The following NR2F1-AS1 variants were observed in gnomAD, a reference collection of about 807,000 sequenced individuals.
The protein encoded by NR2F1-AS1 is NR2F1 regulatory antisense RNA 1.
At chr5:93,581,743 C>G (rs797001583), upstream of NR2F1-AS1, among the ~76,000 whole-genome samples, 8 of 32,888 alleles carry the variant, frequency 2.4e-4, no homozygotes, top group Non-Finnish European at 4.6e-4. Context: ...TCCCCCTCTC[C>G]CTCTCCCTCT....
intron 4 of NR2F1-AS1, among the ~76,000 whole-genome samples, chr5:93,413,685 C>G (rs996760142): frequency 2.6e-5 from 4 of 151,966 alleles, no homozygotes; most frequent in African/African-American, 9.7e-5. Context: ...ACAAGAAACA[C>G]GTGGGCAAGG....
intron 2 of NR2F1-AS1, among the ~76,000 whole-genome samples, chr5:93,562,906 G>T (rs1383273090): frequency 6.6e-6 from 1 of 152,076 alleles, no homozygotes; most frequent in African/African-American, 2.4e-5. Context: ...ATCAAATACA[G>T]AAAAATCTTA....
At chr5:93,575,016 TG>T (rs963559492) in intron 1 of NR2F1-AS1, among the ~76,000 whole-genome samples, 8 of 152,212 alleles carry the variant, frequency 5.3e-5, no homozygotes, top group Non-Finnish European at 8.8e-5. Context: ...GCCTGCAGCC[TG>T]GGGGGGTGTC....
intron 2 of NR2F1-AS1, among the ~76,000 whole-genome samples, chr5:93,559,858 T>C (rs543227237): frequency 3.6e-4 from 55 of 152,310 alleles, no homozygotes; most frequent in Admixed American, 1.4e-3. Context: ...CCCTAACAGA[T>C]ACTGTAGTAA....
intron 4 of NR2F1-AS1, among the ~76,000 whole-genome samples, chr5:93,509,485 A>G (rs1459986572): frequency 1.3e-5 from 2 of 152,110 alleles, no homozygotes; most frequent in African/African-American, 4.8e-5. Flanking sequence ...AGGTATATAA[A>G]TTTATGAATA....
At chr5:93,557,210 A>G (rs1217112017) in intron 2 of NR2F1-AS1, among the ~76,000 whole-genome samples, 1 of 152,252 alleles carries the variant, frequency 6.6e-6, no homozygotes, top group Non-Finnish European at 1.5e-5. Context: ...TAATGCGTAG[A>G]GCTGCTTCGT....
At chr5:93,582,140 CGTTT>C (rs947034253), upstream of NR2F1-AS1, among the ~76,000 whole-genome samples, 4 of 134,322 alleles carry the variant, frequency 3.0e-5, no homozygotes, top group African/African-American at 1.2e-4. Context: ...TCCATCTTCT[CGTTT>C]GTTTGCTCTT....
At chr5:93,564,589 T>C (rs1186276276) in intron 1 of NR2F1-AS1, among the ~76,000 whole-genome samples, 5 of 152,230 alleles carry the variant, frequency 3.3e-5, no homozygotes, top group Non-Finnish European at 4.4e-5. Context: ...CTCTGGCATA[T>C]TGGCTACTGA....
intron 4 of NR2F1-AS1, among the ~76,000 whole-genome samples, chr5:93,434,223 A>G (rs940611352): frequency 1.3e-5 from 2 of 152,132 alleles, no homozygotes; most frequent in African/African-American, 4.8e-5. Context: ...AATTATATTC[A>G]GGGGTGCCTC....
chr5:93,413,947 G>A (rs1748915152), intron 4 of NR2F1-AS1, among the ~76,000 whole-genome samples: 1 of 152,094 alleles, frequency 6.6e-6, no homozygotes, highest in African/African-American at 2.4e-5. Context: ...TTTTGAGTTA[G>A]GATGCAAGCA....
intron 2 of NR2F1-AS1, among the ~76,000 whole-genome samples, chr5:93,560,744 AT>A (rs1242381114): frequency 6.6e-6 from 1 of 152,250 alleles, no homozygotes; most frequent in African/African-American, 2.4e-5. Flanking sequence ...TTTGAGAAAT[AT>A]TTAAATAATG....
intron 4 of NR2F1-AS1, among the ~76,000 whole-genome samples, chr5:93,520,194 G>T (rs533306121): frequency 1.6e-4 from 25 of 151,952 alleles, no homozygotes; most frequent in Non-Finnish European, 3.2e-4. Context: ...ACTAAAGTTT[G>T]CTTAAATTTT....
At chr5:93,436,682 T>C (rs910486781) in intron 4 of NR2F1-AS1, among the ~76,000 whole-genome samples, 1 of 152,168 alleles carries the variant, frequency 6.6e-6, no homozygotes, top group African/African-American at 2.4e-5. Context: ...AGCCAATACA[T>C]TTGTCAACAT....
At chr5:93,563,232 T>C (rs1752535639) in intron 2 of NR2F1-AS1, 1 of 152,230 alleles carries the variant, frequency 6.6e-6, no homozygotes, top group African/African-American at 2.4e-5. Context: ...ACCACATCTC[T>C]ATGGAGAGCT....
At position 93,526,863 on chromosome 5, in the gene NR2F1-AS1, A is replaced by G. The variant is rs1178476354; in HGVS notation, n.638+26898T>C. On this transcript the variant is annotated intron_variant and non_coding_transcript_variant, in intron 4 of 5. Transcript: ENST00000660523. ...AACGTATCTCAAAATAATAAGAGCT[A>G]TTTATAACAAACCCACAGCCAATAT... 3.9e-5 allele frequency among the ~76,000 whole-genome samples: 6 copies of G among 152,194 alleles called. 1 individual carries two copies. The highest frequency in any genetic ancestry group is 1.5e-5 in the Non-Finnish European group (1 of 68,042).
At chr5:93,414,820 C>T (rs1161194543) in intron 4 of NR2F1-AS1, among the ~76,000 whole-genome samples, 1 of 152,042 alleles carries the variant, frequency 6.6e-6, no homozygotes, top group Non-Finnish European at 1.5e-5. Flanking sequence ...ATTACTTAAG[C>T]AATGACAACA....
At chr5:93,577,143 C>T (rs866172620) in intron 1 of NR2F1-AS1, among the ~76,000 whole-genome samples, 2 of 152,252 alleles carry the variant, frequency 1.3e-5, no homozygotes, top group African/African-American at 4.8e-5. Context: ...GCTCTCCTGC[C>T]GTCCTTCCTC....
intron 4 of NR2F1-AS1, among the ~76,000 whole-genome samples, chr5:93,513,603 T>C (rs1373583437): frequency 1.3e-5 from 2 of 151,876 alleles, no homozygotes; most frequent in Non-Finnish European, 2.9e-5. Context: ...AGCTAAACAA[T>C]GGGTACTCAT....
At chr5:93,493,319 T>C (rs776296984) in intron 4 of NR2F1-AS1, among the ~76,000 whole-genome samples, 3 of 151,978 alleles carry the variant, frequency 2.0e-5, no homozygotes, top group Non-Finnish European at 4.4e-5. Flanking sequence ...TACCCAGGAA[T>C]ACATTTAACC....
Sources: gnomAD v4.1 joint callset for allele counts (sites outside exome capture counted in the v4.1 genomes callset) on GRCh38, gnomAD v4.1.1 for gene constraint, MANE v1.5 for transcripts, NCBI Gene and HGNC (gene_info 2026-07-23, HGNC 2026-07-21) for gene names.